ARSJ: variants seen among roughly 807,000 people sequenced by gnomAD.
The protein encoded by ARSJ is arylsulfatase J.
In ARSJ, 26 loss-of-function variants were observed where a neutral mutation model predicts 35.9. The ratio of observed to expected loss-of-function variants is 0.72; its 90% CI spans 0.53 to 1.00. The LOEUF is 1.00. ARSJ is among the 50% of genes least tolerant of loss of function. ARSJ has a pLI of 0.00. For missense variants in ARSJ, 667 were observed against 723.6 expected (o/e 0.92, Z 0.90); for synonymous variants, 294 against 267.6 (o/e 1.10, Z -0.96).
chr4:113,923,653 A>G (rs1723822814), intron 1 of ARSJ, among the ~76,000 whole-genome samples: 1 of 151,942 alleles, frequency 6.6e-6, no homozygotes, highest in Admixed American at 6.6e-5. Flanking sequence ...CCAACATCCT[A>G]TTTGCACTGC....
chr4:113,969,717 A>G (rs889562770), intron 1 of ARSJ, among the ~76,000 whole-genome samples: 1 of 152,300 alleles, frequency 6.6e-6, no homozygotes, highest in Non-Finnish European at 1.5e-5. Context: ...TGTAATTCAG[A>G]TTTCCTTACT....
At chr4:113,913,942 T>C (rs1723110184) in intron 1 of ARSJ, among the ~76,000 whole-genome samples, 1 of 152,082 alleles carries the variant, frequency 6.6e-6, no homozygotes. Flanking sequence ...ACGTAAGATA[T>C]AGAGAATTTA....
chr4:113,976,499 CA>C (rs944182376), intron 1 of ARSJ, among the ~76,000 whole-genome samples: 24 of 152,160 alleles, frequency 1.6e-4, no homozygotes, highest in Admixed American at 1.4e-3. Context: ...GGGCTGATTG[CA>C]AAAATTCAAA....
chr4:113,917,269 G>C (rs11098211), intron 1 of ARSJ, among the ~76,000 whole-genome samples: 107,670 of 151,902 alleles, frequency 0.71, 38,924 homozygotes, highest in East Asian at 0.81. Flanking sequence ...TGTCCTCATG[G>C]TATGCCTTGC....
intron 1 of ARSJ, among the ~76,000 whole-genome samples, chr4:113,941,212 A>G (rs980812929): frequency 1.2e-4 from 19 of 152,066 alleles, no homozygotes; most frequent in Non-Finnish European, 2.5e-4. Flanking sequence ...CTGAAAATAC[A>G]ATGCACTTTT....
Position 113,978,486 on chromosome 4 carries a change from A to C in ARSJ, c.349T>G (p.Tyr117Asp). 1 of 1,614,090 alleles carries C rather than the reference A, an allele frequency of 6.2e-7. No homozygotes were observed. The highest frequency in any genetic ancestry group is 1.7e-5 in the Admixed American group (1 of 60,028). ...AAEGVKLENYYVQPICTPSRS... is the reference protein window; with the variant it reads ...AAEGVKLENYDVQPICTPSRS... ...GATGGTGTGCAAATAGGCTGGACAT[A>C]GTAGTTCTCCAGTTTAACTCCTTCG... Residue 117 changes from tyrosine (Y) to aspartate (D), a missense_variant, in exon 1 of 2, where the codon TAT becomes GAT. Tyr to Asp is a radical substitution (Grantham distance 160). Transcript: ENST00000315366.
Position 113,937,150 on chromosome 4 carries a change from C to A in ARSJ, c.399-33475G>T, listed in dbSNP as rs539772885. On this transcript the variant is annotated intron_variant, in intron 1 of 1. Transcript: ENST00000315366. ...TCAGTGGTACTGGGAAGATTCATTTCCTTCAATATCTGCTCTATGCAAGGG... is the reference window on the plus strand; with the variant it reads ...TCAGTGGTACTGGGAAGATTCATTTACTTCAATATCTGCTCTATGCAAGGG... 7.2e-5 allele frequency among the ~76,000 whole-genome samples: 11 copies of A among 151,994 alleles called. No homozygotes were observed. In the South Asian group the frequency reaches 2.3e-3, roughly 32 times the overall value.
intron 1 of ARSJ, among the ~76,000 whole-genome samples, chr4:113,951,743 G>A (rs1725875909): frequency 6.6e-6 from 1 of 151,892 alleles, no homozygotes; most frequent in South Asian, 2.1e-4. Context: ...ACTTAATTTT[G>A]TCCTTCAATA....
Position 113,950,211 on chromosome 4 carries a change from C to T in ARSJ, c.398+28226G>A, listed in dbSNP as rs575712328. Among the ~76,000 whole-genome samples, 10 of 152,202 alleles carry T rather than the reference C, an allele frequency of 6.6e-5. No homozygotes were observed. The South Asian group carries it at 1.7e-3, about 25-fold the overall frequency. ...AAGAACAGCTTCTCCTTTTCCCTCC[C>T]TTTGAAGTGATTTCAGCTGCCCAGA... On this transcript the variant is annotated intron_variant, in intron 1 of 1. Transcript: ENST00000315366.
intron 1 of ARSJ, among the ~76,000 whole-genome samples, chr4:113,923,909 A>G (rs1479259332): frequency 1.3e-5 from 2 of 150,704 alleles, no homozygotes; most frequent in Non-Finnish European, 3.0e-5. Context: ...ATAAGACTGC[A>G]TAGGTTCAAA....
chr4:113,934,509 A>T (rs1257655306), intron 1 of ARSJ, among the ~76,000 whole-genome samples: 1 of 151,780 alleles, frequency 6.6e-6, no homozygotes, highest in African/African-American at 2.4e-5. Context: ...GCATGTTTCC[A>T]CTCATATATG....
At chr4:113,976,677 T>G (rs1391147834) in intron 1 of ARSJ, among the ~76,000 whole-genome samples, 1 of 152,220 alleles carries the variant, frequency 6.6e-6, no homozygotes, top group African/African-American at 2.4e-5. Flanking sequence ...CAAATAGAAA[T>G]TTAAATCAAA....
intron 1 of ARSJ, among the ~76,000 whole-genome samples, chr4:113,940,415 C>T (rs778552797): frequency 6.6e-6 from 1 of 152,112 alleles, no homozygotes; most frequent in Admixed American, 6.6e-5. Context: ...TGCATGTTCT[C>T]ACTTACAAGT....
At chr4:113,952,807 G>A (rs771043335) in intron 1 of ARSJ, among the ~76,000 whole-genome samples, 4 of 151,978 alleles carry the variant, frequency 2.6e-5, no homozygotes, top group Non-Finnish European at 2.9e-5. Context: ...GAGCTGGGAC[G>A]CAATCAAGAC....
intron 1 of ARSJ, among the ~76,000 whole-genome samples, chr4:113,916,026 C>T (rs1464959001): frequency 2.6e-5 from 4 of 152,198 alleles, no homozygotes; most frequent in Non-Finnish European, 5.9e-5. Flanking sequence ...TTATTTTCTG[C>T]GAAAAGTTTG....
At chr4:113,940,715 G>T (rs774498278) in intron 1 of ARSJ, among the ~76,000 whole-genome samples, 1 of 151,612 alleles carries the variant, frequency 6.6e-6, no homozygotes, top group Admixed American at 6.6e-5. Context: ...GATGGATTTC[G>T]CCCACTTTAA....
intron 1 of ARSJ, among the ~76,000 whole-genome samples, chr4:113,939,938 T>C (rs1328583847): frequency 6.6e-6 from 1 of 151,994 alleles, no homozygotes; most frequent in Non-Finnish European, 1.5e-5. Context: ...AGATCCCATT[T>C]GTCAATTTTG....
intron 1 of ARSJ, among the ~76,000 whole-genome samples, chr4:113,919,439 G>A (rs1723527605): frequency 6.6e-6 from 1 of 152,140 alleles, no homozygotes; most frequent in Non-Finnish European, 1.5e-5. Flanking sequence ...TGTTTTAAAA[G>A]ATTACATGTG....
chr4:113,960,691 G>T (rs1055858961), intron 1 of ARSJ, among the ~76,000 whole-genome samples: 1 of 152,032 alleles, frequency 6.6e-6, no homozygotes, highest in African/African-American at 2.4e-5. Context: ...TACTTCTTGA[G>T]AATGATTGCC....
Sources: allele counts gnomAD v4.1 joint callset (sites outside exome capture counted in the v4.1 genomes callset), GRCh38; gene constraint gnomAD v4.1.1; transcripts MANE v1.5; gene names NCBI Gene and HGNC (gene_info 2026-07-23, HGNC 2026-07-21).